Variants in NEK10 observed in about 807,000 individuals in gnomAD.
The protein encoded by NEK10 is NIMA related kinase 10, also known as serine/threonine-protein kinase Nek10.
Under a neutral mutation model 159.8 loss-of-function variants are expected in NEK10, and 122 were observed. The ratio of observed to expected loss-of-function variants is 0.76; its 90% CI spans 0.66 to 0.89. NEK10 has a LOEUF of 0.89. NEK10 is among the 40% of genes least tolerant of loss of function. The pLI, the probability that NEK10 is intolerant of heterozygous loss-of-function variation, is 0.00. For missense variants in NEK10, 1,342 were observed against 1,323.1 expected (o/e 1.01, Z -0.22); for synonymous variants, 466 against 457.1 (o/e 1.02, Z -0.25).
At chr3:27,278,608 A>G in intron 22 of NEK10, 2 of 709,818 alleles carry the variant, frequency 2.8e-6, no homozygotes, top group Non-Finnish European at 3.5e-6. Flanking sequence ...CAAGATGAAC[A>G]TGTGACCTTC....
At chr3:27,116,018 A>C (rs1025576351) in intron 34 of NEK10, 23 bp from the exon 35 acceptor site, 1 of 1,612,376 alleles carries the variant, frequency 6.2e-7, no homozygotes, top group Non-Finnish European at 8.5e-7. Context: ...AAATCAGGTT[A>C]GTATTGAATT....
intron 23 of NEK10, chr3:27,255,359 T>C: frequency 2.6e-6 from 1 of 388,868 alleles, no homozygotes; most frequent in South Asian, 2.0e-5. Flanking sequence ...AAAGTCACCC[T>C]CTTAAAACAT....
rs758909475 is a variant in NEK10, at chr3:27,192,252, C to A, written c.2292-10G>T. The A allele has an allele frequency of 5.6e-6, 9 of 1,606,042 alleles. No homozygotes were observed. The Admixed American group carries it at 1.5e-4, about 27-fold the overall frequency. Reference sequence around the variant, plus strand: ...ATCAGGAGTGAGGCACCTAAGATAACATGAGATAATTATAACACTCTGGTC... The same window carrying A: ...ATCAGGAGTGAGGCACCTAAGATAAAATGAGATAATTATAACACTCTGGTC... On this transcript the variant is annotated splice_polypyrimidine_tract_variant and intron_variant, in intron 25 of 35. Transcript: ENST00000691995.
chr3:27,180,505 A>G lies in NEK10; in HGVS notation c.2506-5672T>C, dbSNP rs556828550. ...AGAACAATCAAGTGGGCAAGTTTTA[A>G]GAAATTTTTTGTTTCTCAAAAAAAC... On this transcript the variant is annotated intron_variant, in intron 26 of 35. Transcript: ENST00000691995. 2.2e-4 allele frequency among the ~76,000 whole-genome samples: 34 copies of G among 152,278 alleles called. 1 individual carries two copies. In the South Asian group the frequency reaches 7.0e-3, roughly 32 times the overall value.
chr3:27,215,764 A>G, intron 23 of NEK10: 2 of 715,034 alleles, frequency 2.8e-6, no homozygotes, highest in Non-Finnish European at 5.2e-6. Flanking sequence ...CCATGATGGC[A>G]TTTGCTTCTT....
Position 27,174,525 on chromosome 3 carries a change from T to C in NEK10, c.2690A>G (p.Asp897Gly), listed in dbSNP as rs1215176325. 3.1e-6 allele frequency: 5 copies of C among 1,608,214 alleles called. No individual in the cohort carries two copies. Among genetic ancestry groups the C allele is most frequent in the Non-Finnish European group, 4.2e-6 (5 of 1,178,582 alleles). The change falls in exon 28 of 36, where the codon GAT becomes GGT. Residue 897 changes from aspartate to glycine, a missense_variant and splice_region_variant. Physicochemically the swap from Asp to Gly is moderately conservative, Grantham distance 94. Coordinates refer to ENST00000691995, the MANE Select transcript of NEK10 (RefSeq NM_001394966.1). ...TTCATCATCTACCTCTGAATATGTATCTGCACATTAATAAAAACAATAAAA... is the reference window on the plus strand; with the variant it reads ...TTCATCATCTACCTCTGAATATGTACCTGCACATTAATAAAAACAATAAAA... ...DNFNLENAEKDTYSEVDDELD... is the reference protein window; with the variant it reads ...DNFNLENAEKGTYSEVDDELD...
At chr3:27,294,830 T>C (rs1256680146) in intron 15 of NEK10, among the ~76,000 whole-genome samples, 1 of 152,102 alleles carries the variant, frequency 6.6e-6, no homozygotes, top group East Asian at 1.9e-4. Flanking sequence ...GATTTTGACA[T>C]TAGGGCCACT....
At chr3:27,317,786 TTTATTTATTTATTTA>T (rs1232764336) in intron 6 of NEK10, among the ~76,000 whole-genome samples, 13 of 151,490 alleles carry the variant, frequency 8.6e-5, no homozygotes, top group Non-Finnish European at 1.6e-4. Context: ...ATAAAGTTTA[TTTATTTATTTATTTA>T]TTATTTATTT....
rs966092180 is a variant in NEK10 at position 27,107,994 on chromosome 3, A to G, written c.*3278T>C. Among the ~76,000 whole-genome samples, 3 of 152,230 alleles carry G rather than the reference A, an allele frequency of 2.0e-5. No homozygotes were observed. Among genetic ancestry groups the G allele is most frequent in the Non-Finnish European group, 4.4e-5 (3 of 68,032 alleles). On this transcript the variant is annotated 3_prime_UTR_variant, in exon 36 of 36. Transcript: ENST00000691995. Reference sequence around the variant, plus strand: ...CATATTAATACTGATAAAATTCACTAGCCAATATTACAGTCTTCACACATC... The same window carrying G: ...CATATTAATACTGATAAAATTCACTGGCCAATATTACAGTCTTCACACATC...
chr3:27,237,541 C>T (rs952080176), intron 23 of NEK10, among the ~76,000 whole-genome samples: 6 of 152,106 alleles, frequency 3.9e-5, no homozygotes, highest in South Asian at 2.1e-4. Flanking sequence ...TCCCTCCGTT[C>T]GGGGTCCCTG....
chr3:27,355,301 A>G (rs1165022906), intron 1 of NEK10, among the ~76,000 whole-genome samples: 1 of 151,958 alleles, frequency 6.6e-6, no homozygotes, highest in Non-Finnish European at 1.5e-5. Flanking sequence ...GGTTTTACAT[A>G]CCATCAGCAA....
intron 30 of NEK10, chr3:27,162,319 T>C (rs1475711555): frequency 3.6e-6 from 5 of 1,403,056 alleles, no homozygotes; most frequent in Non-Finnish European, 4.7e-6. Flanking sequence ...GCCAAACTAA[T>C]AATGGTGAAC....
intron 30 of NEK10, among the ~76,000 whole-genome samples, chr3:27,155,848 A>T (rs749042483): frequency 6.6e-6 from 1 of 152,160 alleles, no homozygotes; most frequent in African/African-American, 2.4e-5. Context: ...GACTAAGCAA[A>T]AAGAACAAAT....
intron 23 of NEK10, among the ~76,000 whole-genome samples, chr3:27,231,541 T>C (rs1393033994): frequency 6.6e-6 from 1 of 151,580 alleles, no homozygotes; most frequent in Admixed American, 6.6e-5. Context: ...GTACAAAAGA[T>C]AAATGAAACA....
intron 16 of NEK10, 52 bp from the exon 17 acceptor site, chr3:27,291,638 T>C: frequency 9.8e-7 from 1 of 1,016,842 alleles, no homozygotes; most frequent in Non-Finnish European, 1.5e-6. Context: ...CAGTTGATCA[T>C]TACTTCCCTT....
Position 27,186,910 on chromosome 3 carries a change from T to A in NEK10, c.2505+5119A>T, listed in dbSNP as rs534146624. ...AAAGCCCCCATGTGTCTTGTGCCAA[T>A]GTAGAAGACAGCTCTGGGGCTGGCA... is the stretch of plus-strand genomic sequence containing the variant. On this transcript the variant is annotated intron_variant, in intron 26 of 35. Coordinates refer to ENST00000691995, the MANE Select transcript of NEK10 (RefSeq NM_001394966.1). Among the ~76,000 whole-genome samples the A allele has an allele frequency of 2.0e-5, 3 of 152,206 alleles. No individual in the cohort carries two copies. In the South Asian group the frequency reaches 6.2e-4, roughly 32 times the overall value.
At chr3:27,294,876 A>T (rs942194822) in intron 15 of NEK10, among the ~76,000 whole-genome samples, 1 of 151,902 alleles carries the variant, frequency 6.6e-6, no homozygotes, top group Non-Finnish European at 1.5e-5. Context: ...CCCACTCCTC[A>T]AAAACGAACA....
At chr3:27,210,279 T>A (rs184717918) in intron 23 of NEK10, among the ~76,000 whole-genome samples, 3 of 129,668 alleles carry the variant, frequency 2.3e-5, no homozygotes, top group East Asian at 3.9e-4. Context: ...CGAGGCACCA[T>A]GAGGCATCAC....
intron 28 of NEK10, among the ~76,000 whole-genome samples, chr3:27,173,190 C>T (rs1947174673): frequency 1.3e-5 from 2 of 152,112 alleles, no homozygotes; most frequent in South Asian, 2.1e-4. Context: ...CAAACAAAAA[C>T]AACCCTGTTA....
Sources: allele counts gnomAD v4.1 joint callset (sites outside exome capture counted in the v4.1 genomes callset), GRCh38; gene constraint gnomAD v4.1.1; transcripts MANE v1.5; gene names NCBI Gene and HGNC (gene_info 2026-07-23, HGNC 2026-07-21).